The following NUBPL variants were observed in gnomAD, a reference collection of about 807,000 sequenced individuals.
NUBPL encodes the protein NUBP iron-sulfur cluster assembly factor, mitochondrial.
A neutral mutation model predicts 45.7 loss-of-function variants in NUBPL; 31 were observed. The ratio of observed to expected loss-of-function variants is 0.68; its 90% CI spans 0.51 to 0.92. The LOEUF (loss-of-function observed/expected upper bound fraction) is 0.92. Among genes scored for constraint, NUBPL ranks in the 40% least tolerant of loss-of-function variants. The pLI, the probability that NUBPL is intolerant of heterozygous loss-of-function variation, is 0.00. For synonymous variants in NUBPL, 144 were observed against 140.9 expected (o/e 1.02, Z -0.15); for missense variants, 401 against 398.7 (o/e 1.01, Z -0.05).
chr14:31,714,755 C>G (rs2037651727), intron 6 of NUBPL: 1 of 152,080 alleles, frequency 6.6e-6, no homozygotes. Flanking sequence ...CCACACCATA[C>G]CACAAATAAA....
At chr14:31,752,342 A>T (rs1238025735) in intron 6 of NUBPL, among the ~76,000 whole-genome samples, 1 of 152,216 alleles carries the variant, frequency 6.6e-6, no homozygotes, top group African/African-American at 2.4e-5. Context: ...ATATACTTTC[A>T]GAAAAAGCCA....
In NUBPL at chr14:31,626,694, G is replaced by A. The variant is rs2035216016; in HGVS notation, c.382+27315G>A. 2.6e-5 allele frequency among the ~76,000 whole-genome samples: 4 copies of A among 152,182 alleles called. No individual in the cohort carries two copies. The South Asian group carries it at 6.2e-4, about 24-fold the overall frequency. On this transcript the variant is annotated intron_variant, in intron 4 of 10. Coordinates refer to ENST00000281081, the MANE Select transcript of NUBPL (RefSeq NM_025152.3). ...CTAATCCCAGGTTTGACTCACAGGT[G>A]AGGAGTGAGACTTCTCACCAGTTTG... is the stretch of plus-strand genomic sequence containing the variant.
At chr14:31,727,278 T>C (rs2037946255) in intron 6 of NUBPL, among the ~76,000 whole-genome samples, 1 of 152,234 alleles carries the variant, frequency 6.6e-6, no homozygotes, top group Non-Finnish European at 1.5e-5. Context: ...ATATGATGAA[T>C]TCAAGTTGAT....
At chr14:31,667,577 C>T (rs1397602355) in intron 4 of NUBPL, among the ~76,000 whole-genome samples, 1 of 151,970 alleles carries the variant, frequency 6.6e-6, no homozygotes, top group African/African-American at 2.4e-5. Context: ...CTTCTCTGTT[C>T]AGTTTTGTGC....
chr14:31,601,360 C>A (rs541545941), intron 4 of NUBPL, among the ~76,000 whole-genome samples: 2 of 152,260 alleles, frequency 1.3e-5, no homozygotes, highest in African/African-American at 4.8e-5. Flanking sequence ...TGGCCATTTT[C>A]ATGATATTGA....
chr14:31,813,732 A>C (rs2039861785), intron 7 of NUBPL, among the ~76,000 whole-genome samples: 1 of 151,840 alleles, frequency 6.6e-6, no homozygotes, highest in African/African-American at 2.4e-5. Context: ...TCCATTCCCT[A>C]TGTCCATGTT....
At chr14:31,643,319 G>A (rs540559350) in intron 4 of NUBPL, among the ~76,000 whole-genome samples, 205 of 152,152 alleles carry the variant, frequency 1.3e-3, no homozygotes, top group African/African-American at 4.6e-3. Flanking sequence ...TTTGAAGTGT[G>A]TTCCTTCCAT....
chr14:31,583,754 A>G (rs892889717), intron 3 of NUBPL, among the ~76,000 whole-genome samples: 2 of 152,152 alleles, frequency 1.3e-5, no homozygotes, highest in African/African-American at 2.4e-5. Flanking sequence ...TAACCTCAGC[A>G]GGAAAGAGCA....
chr14:31,743,717 CT>C (rs2038335160), intron 6 of NUBPL, among the ~76,000 whole-genome samples: 1 of 152,104 alleles, frequency 6.6e-6, no homozygotes, highest in Admixed American at 6.6e-5. Flanking sequence ...TGACCCTAGA[CT>C]TTCCTGGATG....
intron 6 of NUBPL, among the ~76,000 whole-genome samples, chr14:31,698,147 T>A (rs1403180478): frequency 6.6e-6 from 1 of 152,224 alleles, no homozygotes; most frequent in African/African-American, 2.4e-5. Context: ...TTATAATCAG[T>A]AACATCTTGG....
chr14:31,767,940 T>A (rs2038943095), intron 6 of NUBPL, among the ~76,000 whole-genome samples: 1 of 152,246 alleles, frequency 6.6e-6, no homozygotes. Flanking sequence ...ACTGCTTAGC[T>A]AACTCCCTGA....
chr14:31,781,940 T>C (rs1595619627), intron 6 of NUBPL, among the ~76,000 whole-genome samples: 1 of 152,176 alleles, frequency 6.6e-6, no homozygotes, highest in East Asian at 1.9e-4. Flanking sequence ...CATAACTTTC[T>C]TACGTCTCTC....
chr14:31,859,015 C>G, intron 10 of NUBPL, 103 bp from the exon 11 acceptor site: 1 of 961,604 alleles, frequency 1.0e-6, no homozygotes, highest in East Asian at 2.6e-5. Context: ...CTCACTCAGC[C>G]TTTTTACTAT....
chr14:31,824,113 G>A (rs2040060896), intron 7 of NUBPL, among the ~76,000 whole-genome samples: 1 of 152,062 alleles, frequency 6.6e-6, no homozygotes, highest in African/African-American at 2.4e-5. Flanking sequence ...AACAGTGACA[G>A]CTATCATTTA....
chr14:31,622,644 C>G lies in NUBPL; in HGVS notation c.382+23265C>G, dbSNP rs535539177. Reference sequence around the variant, plus strand: ...ACGCCAAGGTATGGCTCAGGCCATTCTTTCAGAGGGTGCACACTCCAAATC... The same window carrying G: ...ACGCCAAGGTATGGCTCAGGCCATTGTTTCAGAGGGTGCACACTCCAAATC... On this transcript the variant is annotated intron_variant, in intron 4 of 10. Transcript: ENST00000281081. Among the ~76,000 whole-genome samples, 6 of 152,352 alleles carry G rather than the reference C, an allele frequency of 3.9e-5. No homozygotes were observed. In the South Asian group the frequency reaches 1.2e-3, roughly 32 times the overall value.
chr14:31,703,059 C>T (rs77999327), intron 6 of NUBPL: 5 of 152,268 alleles, frequency 3.3e-5, no homozygotes, highest in Non-Finnish European at 7.3e-5. Flanking sequence ...TTGGCATATT[C>T]CTTATTTGCT....
intron 6 of NUBPL, among the ~76,000 whole-genome samples, chr14:31,768,369 T>C (rs1196362979): frequency 6.6e-6 from 1 of 152,248 alleles, no homozygotes; most frequent in African/African-American, 2.4e-5. Context: ...AATGTTGAAA[T>C]CTTTTTAGAA....
rs142561594 is a variant in NUBPL, at chr14:31,743,142, T to G, written c.514-44638T>G. On this transcript the variant is annotated intron_variant, in intron 6 of 10. Coordinates refer to ENST00000281081, the MANE Select transcript of NUBPL (RefSeq NM_025152.3). The stretch of plus-strand genomic sequence containing the variant: ...TCATTATTTTACCTGAGCCTAACAG[T>G]CTCCTTCTTACAGTATATTCTTTGC... 6.5e-3 allele frequency among the ~76,000 whole-genome samples: 989 copies of G among 152,194 alleles called. 11 individuals carry two copies. The highest frequency in any genetic ancestry group is 0.022 in the African/African-American group (926 of 41,520).
intron 10 of NUBPL, among the ~76,000 whole-genome samples, chr14:31,857,435 C>G (rs765511393): frequency 2.0e-5 from 3 of 152,190 alleles, no homozygotes; most frequent in Non-Finnish European, 2.9e-5. Flanking sequence ...GATTAACATT[C>G]GGCTCCTAGT....
Sources: allele counts gnomAD v4.1 joint callset (sites outside exome capture counted in the v4.1 genomes callset), GRCh38; gene constraint gnomAD v4.1.1; transcripts MANE v1.5; gene names NCBI Gene and HGNC (gene_info 2026-07-23, HGNC 2026-07-21).